Variants in MCUB observed in about 807,000 individuals in gnomAD.
MCUB encodes the protein mitochondrial calcium uniporter dominant negative subunit beta, also known as calcium uniporter regulatory subunit MCUb, mitochondrial.
MCUB carries 46 observed loss-of-function variants against 41.4 expected under a neutral mutation model. The ratio of observed to expected loss-of-function variants is 1.11; its 90% CI spans 0.88 to 1.42. The LOEUF (loss-of-function observed/expected upper bound fraction) is 1.42. Among genes scored for constraint, MCUB ranks in the 40% most tolerant of loss-of-function variants. The pLI, the probability that MCUB is intolerant of heterozygous loss-of-function variation, is 0.00. For missense variants in MCUB, 403 were observed against 404.9 expected, an observed-to-expected ratio of 1.00 and a Z score of 0.04; for synonymous variants, 148 against 148.2, an observed-to-expected ratio of 1.00 and a Z score of 0.01.
rs188697402 is a variant in MCUB, at chr4:109,646,489, T to C, written c.100-12522T>C. 3.0e-3 allele frequency among the ~76,000 whole-genome samples: 451 copies of C among 152,322 alleles called. 2 individuals are homozygous for C. The highest frequency in any genetic ancestry group is 0.01 in the African/African-American group (430 of 41,562). On this transcript the variant is annotated intron_variant, in intron 1 of 7. Coordinates refer to ENST00000394650, the MANE Select transcript of MCUB (RefSeq NM_017918.5). ...TCTATTGTACCAGATTCTAAACTGG[T>C]TTCCACCCTTGCCCTCCTCTAGGCT...
intron 1 of MCUB, among the ~76,000 whole-genome samples, chr4:109,614,487 A>G (rs951944596): frequency 6.6e-6 from 1 of 151,890 alleles, no homozygotes; most frequent in African/African-American, 2.4e-5. Flanking sequence ...ATGTGAGGAC[A>G]TAGAATAAGA....
At position 109,688,512 on chromosome 4, in the gene MCUB, CAAA is replaced by C. The variant is rs1239952521; in HGVS notation, c.*922_*924del. 1 of 152,036 alleles carries C rather than the reference CAAA, an allele frequency of 6.6e-6. No individual in the cohort carries two copies. 9.4% of individuals were successfully genotyped at this position (152,036 alleles called of 1,614,324 possible). On this transcript the variant is annotated 3_prime_UTR_variant, in exon 8 of 8. Transcript: ENST00000394650. Reference sequence around the variant, plus strand: ...TTAAAGTAGGAATTAAAGTCATACACAAAATGTGGTAATTCATATGTAGATGAA... The same window carrying C: ...TTAAAGTAGGAATTAAAGTCATACACATGTGGTAATTCATATGTAGATGAA...
intron 1 of MCUB, among the ~76,000 whole-genome samples, chr4:109,608,019 C>T (rs1429950095): frequency 6.6e-6 from 1 of 152,146 alleles, no homozygotes; most frequent in African/African-American, 2.4e-5. Context: ...GCCAATAACT[C>T]TTAGATATGA....
At chr4:109,664,130 C>T (rs1259074282) in intron 3 of MCUB, among the ~76,000 whole-genome samples, 160 bp from the exon 4 acceptor site, 1 of 152,200 alleles carries the variant, frequency 6.6e-6, no homozygotes, top group Non-Finnish European at 1.5e-5. Context: ...GAGGATTCCC[C>T]TCAATGGGAA....
At position 109,664,371 on chromosome 4, in the gene MCUB, A is replaced by G. The variant is rs141349693; in HGVS notation, c.428A>G (p.Tyr143Cys). 39 of 1,463,526 alleles carry G rather than the reference A, an allele frequency of 2.7e-5. No homozygotes were observed. The Admixed American group carries it at 3.0e-4, about 11-fold the overall frequency. The allele number at this position is 1,463,526 out of a possible 1,614,324, so 90.7% of individuals were successfully genotyped here. ...DFKLVINKIA[Y>C]DVQCPKREKP... ...AAACTTGTCATTAATAAAATAGCAT[A>G]TGATGTGCAGTGTCCAAAGAGAGGT... Residue 143 changes from tyrosine to cysteine, a missense_variant, in exon 4 of 8, where the codon TAT (tyrosine) becomes TGT (cysteine). Coordinates refer to ENST00000394650, the MANE Select transcript of MCUB (RefSeq NM_017918.5).
intron 1 of MCUB, among the ~76,000 whole-genome samples, chr4:109,568,549 C>T (rs886868865): frequency 6.6e-6 from 1 of 152,110 alleles, no homozygotes; most frequent in Non-Finnish European, 1.5e-5. Flanking sequence ...ACCCTCCTGA[C>T]TTCTACTCTT....
At position 109,682,677 on chromosome 4, in the gene MCUB, AAGAG is replaced by A. The variant is rs1561252660; in HGVS notation, c.552_555del (p.Arg184SerfsTer11). The A allele has an allele frequency of 1.2e-6, 2 of 1,613,746 alleles. No individual in the cohort carries two copies. Among genetic ancestry groups the A allele is most frequent in the South Asian group, 2.2e-5 (2 of 91,088 alleles). ...CTTGCATTTAGAAGAGTCTCAGAAA[AAGAG>A]AGAGCACCATTTACTGGAGAAAATT... is the stretch of plus-strand genomic sequence containing the variant. On this transcript the variant is annotated frameshift_variant, in exon 5 of 8. Coordinates refer to ENST00000394650, the MANE Select transcript of MCUB (RefSeq NM_017918.5). LOFTEE classifies it high-confidence loss of function.
chr4:109,566,107 T>G (rs1212609933), intron 1 of MCUB, among the ~76,000 whole-genome samples: 2 of 151,218 alleles, frequency 1.3e-5, no homozygotes, highest in Non-Finnish European at 3.0e-5. Context: ...CCTCCTGCCT[T>G]GGCCACCCAA....
chr4:109,653,761 G>T (rs746112191), intron 1 of MCUB, among the ~76,000 whole-genome samples: 1 of 152,192 alleles, frequency 6.6e-6, no homozygotes, highest in Non-Finnish European at 1.5e-5. Flanking sequence ...TTTTTGTAGA[G>T]ATGGGGTTTC....
At chr4:109,593,011 T>C (rs950766899) in intron 1 of MCUB, among the ~76,000 whole-genome samples, 1 of 152,246 alleles carries the variant, frequency 6.6e-6, no homozygotes, top group Non-Finnish European at 1.5e-5. Context: ...GATTTAATTT[T>C]TTCTTCAGTT....
chr4:109,564,707 GAC>G (rs551165278), intron 1 of MCUB, among the ~76,000 whole-genome samples: 2 of 152,288 alleles, frequency 1.3e-5, no homozygotes, highest in African/African-American at 4.8e-5. Context: ...GGAAGTTTAT[GAC>G]ACAGGAAACT....
At chr4:109,602,605 A>T (rs1727769168) in intron 1 of MCUB, among the ~76,000 whole-genome samples, 1 of 152,076 alleles carries the variant, frequency 6.6e-6, no homozygotes, top group African/African-American at 2.4e-5. Context: ...TTTGGTTATG[A>T]TAGCTCTGTA....
At chr4:109,664,423 T>A in intron 4 of MCUB, 29 bp downstream of exon 4, 4 of 148,020 alleles carry the variant, frequency 2.7e-5, no homozygotes, top group Non-Finnish European at 3.2e-5. Flanking sequence ...CAACTATTAC[T>A]TTTTTTTTTT....
rs139682713 is a variant in MCUB, at chr4:109,586,476, C to T, written c.99+26040C>T. Among the ~76,000 whole-genome samples the T allele has an allele frequency of 6.3e-3, 955 of 152,290 alleles. 9 individuals are homozygous for T. The highest frequency in any genetic ancestry group is 0.021 in the African/African-American group (855 of 41,556). On this transcript the variant is annotated intron_variant, in intron 1 of 7. Transcript: ENST00000394650. Reference sequence around the variant, plus strand: ...CTGTCAGCTTCTCAAAGTCATTCTCCGTCCAGCTTTGTTCTGTTGCTGGTG... The same window carrying T: ...CTGTCAGCTTCTCAAAGTCATTCTCTGTCCAGCTTTGTTCTGTTGCTGGTG...
At chr4:109,645,367 T>C (rs1395716569) in intron 1 of MCUB, among the ~76,000 whole-genome samples, 1 of 145,652 alleles carries the variant, frequency 6.9e-6, no homozygotes, top group African/African-American at 2.8e-5. Context: ...GATTCTTATT[T>C]CCCCTAGATT....
intron 4 of MCUB, chr4:109,681,570 T>TG: frequency 5.0e-6 from 2 of 396,192 alleles, no homozygotes; most frequent in Non-Finnish European, 1.0e-5. Flanking sequence ...TCTTGGGCCA[T>TG]GCAGTGTTAC....
chr4:109,599,701 C>T (rs1473512646), intron 1 of MCUB, among the ~76,000 whole-genome samples: 5 of 151,672 alleles, frequency 3.3e-5, no homozygotes, highest in African/African-American at 7.3e-5. Context: ...GACAGAATCT[C>T]GCTCTGTCGC....
At chr4:109,652,318 T>TA (rs1171991396) in intron 1 of MCUB, among the ~76,000 whole-genome samples, 1 of 152,212 alleles carries the variant, frequency 6.6e-6, no homozygotes, top group African/African-American at 2.4e-5. Context: ...CACTTGAGTT[T>TA]AGTTCTCTTC....
At chr4:109,562,428 A>T (rs942444074) in intron 1 of MCUB, among the ~76,000 whole-genome samples, 12 of 152,230 alleles carry the variant, frequency 7.9e-5, no homozygotes, top group Non-Finnish European at 1.5e-4. Flanking sequence ...TACCATGAGT[A>T]AACCGATAAA....
Sources: allele counts gnomAD v4.1 joint callset (sites outside exome capture counted in the v4.1 genomes callset), GRCh38; gene constraint gnomAD v4.1.1; transcripts MANE v1.5; gene names NCBI Gene and HGNC (gene_info 2026-07-23, HGNC 2026-07-21).